Variants in EBF4 observed in about 807,000 individuals in gnomAD.
EBF4 encodes transcription factor COE4.
A neutral mutation model predicts 67.1 loss-of-function variants in EBF4; 34 were observed. The ratio of observed to expected loss-of-function variants is 0.51; its 90% CI spans 0.39 to 0.67. The LOEUF is 0.67. Ranked by LOEUF, EBF4 falls within the 30% of genes least tolerant of loss-of-function variation. The pLI is 0.00. For synonymous variants in EBF4, 387 were observed against 377.7 expected, an observed-to-expected ratio of 1.02 and a Z score of -0.29; for missense variants, 837 against 873.3, an observed-to-expected ratio of 0.96 and a Z score of 0.52.
At chr20:2,698,027 C>T (rs1387074085) in intron 1 of EBF4, among the ~76,000 whole-genome samples, 1 of 152,218 alleles carries the variant, frequency 6.6e-6, no homozygotes, top group Non-Finnish European at 1.5e-5. Context: ...CGATTCTCAG[C>T]CTGGGACCTG....
intron 6 of EBF4, among the ~76,000 whole-genome samples, chr20:2,712,510 G>A (rs1029660402): frequency 6.6e-6 from 1 of 152,188 alleles, no homozygotes; most frequent in African/African-American, 2.4e-5. Context: ...AGCAGGTTTT[G>A]GAGGAGAAAG....
chr20:2,749,374 C>T, intron 7 of EBF4, 27 bp from the exon 8 acceptor site: 1 of 1,504,770 alleles, frequency 6.6e-7, no homozygotes, highest in South Asian at 1.2e-5. Flanking sequence ...AGGGCCCCAG[C>T]CAGGCTGGCC....
chr20:2,732,614 C>T (rs2087828982), intron 6 of EBF4, among the ~76,000 whole-genome samples: 2 of 152,086 alleles, frequency 1.3e-5, no homozygotes, highest in Non-Finnish European at 2.9e-5. Flanking sequence ...TTTTCAAAGC[C>T]TTTTGTACAT....
At chr20:2,752,903 G>A (rs575101278) in intron 14 of EBF4, among the ~76,000 whole-genome samples, 5 of 152,202 alleles carry the variant, frequency 3.3e-5, no homozygotes, top group Non-Finnish European at 5.9e-5. Flanking sequence ...CCCATCTCGC[G>A]CCCGGACTTG....
At chr20:2,704,742 CCT>C (rs1044381093) in intron 1 of EBF4, among the ~76,000 whole-genome samples, 16 of 152,294 alleles carry the variant, frequency 1.1e-4, no homozygotes, top group Admixed American at 8.5e-4. Flanking sequence ...TGATGTTGTA[CCT>C]CTCTCTCTGT....
At chr20:2,750,014 G>A in intron 10 of EBF4, 41 bp downstream of exon 10, 1 of 1,519,426 alleles carries the variant, frequency 6.6e-7, no homozygotes, top group Non-Finnish European at 8.8e-7. Flanking sequence ...AAGGTGCGCG[G>A]AGGGAGCCCC....
At chr20:2,730,216 T>C (rs1286184834) in intron 6 of EBF4, among the ~76,000 whole-genome samples, 1 of 152,178 alleles carries the variant, frequency 6.6e-6, no homozygotes, top group African/African-American at 2.4e-5. Context: ...GGAGGCCAAG[T>C]CTAAAAGCAA....
intron 6 of EBF4, among the ~76,000 whole-genome samples, chr20:2,709,952 G>A (rs1263710860): frequency 2.0e-5 from 3 of 152,174 alleles, no homozygotes; most frequent in African/African-American, 4.8e-5. Context: ...CTCAGGAACC[G>A]TCCAGGTGGA....
intron 6 of EBF4, among the ~76,000 whole-genome samples, chr20:2,732,286 A>C: frequency 6.6e-6 from 1 of 151,786 alleles, no homozygotes; most frequent in East Asian, 1.9e-4. Context: ...ACACCCAGTT[A>C]ATTTTTTGTA....
intron 6 of EBF4, among the ~76,000 whole-genome samples, chr20:2,743,228 C>T (rs777817227): frequency 8.5e-5 from 13 of 152,194 alleles, no homozygotes; most frequent in Non-Finnish European, 1.5e-4. Context: ...GTTGTTCTCA[C>T]GTTCGCCCTT....
chr20:2,714,878 G>A (rs924213751), intron 6 of EBF4, among the ~76,000 whole-genome samples: 2 of 151,804 alleles, frequency 1.3e-5, no homozygotes, highest in African/African-American at 4.8e-5. Context: ...TGTATCCTGT[G>A]GTTGCTTCCA....
intron 6 of EBF4, among the ~76,000 whole-genome samples, chr20:2,730,104 G>A (rs975158832): frequency 1.3e-5 from 2 of 152,178 alleles, no homozygotes; most frequent in Admixed American, 6.5e-5. Flanking sequence ...TTGCAGCTGG[G>A]GGATGAATGC....
intron 6 of EBF4, among the ~76,000 whole-genome samples, chr20:2,742,465 A>T (rs2087982231): frequency 6.6e-6 from 1 of 152,054 alleles, no homozygotes; most frequent in Non-Finnish European, 1.5e-5. Flanking sequence ...TTTGTAAGTC[A>T]TGCTTGTATT....
Position 2,726,397 on chromosome 20 carries a change from A to G in EBF4, c.557+16755A>G, listed in dbSNP as rs181829679. Among the ~76,000 whole-genome samples the G allele has an allele frequency of 1.6e-4, 24 of 152,272 alleles. No individual in the cohort carries two copies. The East Asian group carries it at 2.9e-3, about 18-fold the overall frequency. On this transcript the variant is annotated intron_variant, in intron 6 of 16. Transcript: ENST00000609451. The stretch of plus-strand genomic sequence containing the variant: ...GGAGTTTGAGAACAGCCAGGGCAAC[A>G]TGGTGAGACCATGTCTCTACAAAAA...
chr20:2,755,615 C>A lies in EBF4; in HGVS notation c.1541-12C>A. The A allele has an allele frequency of 7.4e-7, 1 of 1,346,904 alleles. No individual in the cohort carries two copies. The highest frequency in any genetic ancestry group is 1.0e-6 in the Non-Finnish European group (1 of 966,570). The allele number at this position is 1,346,904 out of a possible 1,614,324, so 83.4% of individuals were successfully genotyped here. A position where few individuals can be genotyped will look rare whatever the true frequency, so the allele number is the denominator to read the frequency against. On this transcript the variant is annotated splice_polypyrimidine_tract_variant and intron_variant, in intron 14 of 16. Coordinates refer to ENST00000609451, the Ensembl canonical transcript of EBF4. This position sits in a 1 kb window ranked among gnomAD's most constrained non-coding sequence, Gnocchi z 4.7. ...CCCTGCTGCGCCTGCCCCTCCCCGC[C>A]CCGCCCCGGAGTCATGCCCTCTAGC...
intron 5 of EBF4, among the ~76,000 whole-genome samples, chr20:2,708,416 G>A (rs907072599): frequency 2.0e-5 from 3 of 152,226 alleles, no homozygotes; most frequent in African/African-American, 7.2e-5. Context: ...TCTCTGGCAG[G>A]GCAGGGTGGG....
intron 6 of EBF4, among the ~76,000 whole-genome samples, chr20:2,725,413 A>T (rs1050522719): frequency 6.6e-6 from 1 of 152,060 alleles, no homozygotes; most frequent in Admixed American, 6.5e-5. Flanking sequence ...CTTTTGCAAT[A>T]TGTCTAGTTA....
intron 1 of EBF4, among the ~76,000 whole-genome samples, chr20:2,698,361 TG>T (rs2087325963): frequency 6.6e-6 from 1 of 152,096 alleles, no homozygotes; most frequent in Admixed American, 6.5e-5. Flanking sequence ...ATTGTTGAGG[TG>T]GGTGTGCCCC....
chr20:2,698,439 G>T (rs2087327132), intron 1 of EBF4, among the ~76,000 whole-genome samples: 1 of 152,214 alleles, frequency 6.6e-6, no homozygotes, highest in African/African-American at 2.4e-5. Flanking sequence ...CAGGGGCTGG[G>T]CAGGGCCAGG....
Sources: gnomAD v4.1 joint callset for allele counts (sites outside exome capture counted in the v4.1 genomes callset) on GRCh38, gnomAD v4.1.1 for gene constraint, Gnocchi (gnomAD v3.1) non-coding constraint, MANE v1.5 for transcripts, NCBI Gene and HGNC (gene_info 2026-07-23, HGNC 2026-07-21) for gene names.